Variants in NCAM2 observed in about 807,000 individuals in gnomAD.
NCAM2 encodes the protein N-CAM-2.
Under a neutral mutation model 98.1 loss-of-function variants are expected in NCAM2, and 30 were observed. That is an observed-to-expected ratio of 0.31 (90% CI 0.23 to 0.41). NCAM2 has a LOEUF of 0.41. Ranked by LOEUF, NCAM2 falls within the 10% of genes least tolerant of loss-of-function variation. The pLI is 1.00. For missense variants in NCAM2, 867 were observed against 1,005.8 expected (o/e 0.86, Z 1.87); for synonymous variants, 368 against 342.4 (o/e 1.07, Z -0.83).
At chr21:21,150,076 T>C (rs1250038474) in intron 1 of NCAM2, among the ~76,000 whole-genome samples, 1 of 152,152 alleles carries the variant, frequency 6.6e-6, no homozygotes, top group African/African-American at 2.4e-5. Flanking sequence ...TCTACTTTTA[T>C]GTGTTTAGGT....
intron 12 of NCAM2, among the ~76,000 whole-genome samples, chr21:21,448,827 A>G (rs998169921): frequency 2.0e-5 from 3 of 152,122 alleles, no homozygotes; most frequent in Non-Finnish European, 2.9e-5. Context: ...ATTTTCAGTG[A>G]AAGAAAATTT....
chr21:21,155,478 G>C (rs991078579), intron 1 of NCAM2, among the ~76,000 whole-genome samples: 2 of 151,226 alleles, frequency 1.3e-5, no homozygotes, highest in Non-Finnish European at 3.0e-5. Context: ...CTCTGGTTTT[G>C]TGTTAGTTAC....
chr21:21,501,761 C>T (rs1045543111), intron 15 of NCAM2, among the ~76,000 whole-genome samples: 2 of 151,856 alleles, frequency 1.3e-5, no homozygotes, highest in Admixed American at 1.3e-4. Flanking sequence ...GAAATGCAAT[C>T]AAAACAAGAC....
At chr21:21,467,412 G>GTATATATATATCTTTATA (rs745908935) in intron 13 of NCAM2, among the ~76,000 whole-genome samples, 4 of 41,446 alleles carry the variant, frequency 9.7e-5, no homozygotes, top group Non-Finnish European at 2.6e-4. Flanking sequence ...TTGTATATGT[G>GTATATATATATCTTTATA]TATATATATA....
chr21:21,085,716 A>G (rs2065893830), intron 1 of NCAM2, among the ~76,000 whole-genome samples: 1 of 152,158 alleles, frequency 6.6e-6, no homozygotes, highest in South Asian at 2.1e-4. Context: ...CAATGAGTAA[A>G]GATTAGTTTC....
intron 1 of NCAM2, among the ~76,000 whole-genome samples, chr21:21,128,286 T>TA (rs1460535601): frequency 2.0e-5 from 3 of 151,930 alleles, no homozygotes; most frequent in African/African-American, 7.3e-5. Context: ...TGGAATAAGA[T>TA]AAAGTCTCTC....
chr21:21,351,810 G>A (rs967745464), intron 8 of NCAM2, among the ~76,000 whole-genome samples: 1 of 152,078 alleles, frequency 6.6e-6, no homozygotes, highest in African/African-American at 2.4e-5. Flanking sequence ...GCAGTGGCAC[G>A]ATCTCGGCTC....
Position 21,477,556 on chromosome 21 carries a change from A to G in NCAM2, c.2077+85A>G, listed in dbSNP as rs952003666. ...ACCCTTACTGACTTTTCTTATTAAT[A>G]ATTAAAACAAACTGAAATGTAAATT... is the stretch of plus-strand genomic sequence containing the variant. On this transcript the variant is annotated intron_variant, in intron 15 of 17. Transcript: ENST00000400546. 6 of 1,065,814 alleles carry G rather than the reference A, an allele frequency of 5.6e-6. No homozygotes were observed. In the South Asian group the frequency reaches 8.1e-5, roughly 14 times the overall value. 66.0% of individuals were successfully genotyped at this position (1,065,814 alleles called of 1,614,324 possible). A position where few individuals can be genotyped will look rare whatever the true frequency, so the allele number is the denominator to read the frequency against.
At chr21:21,171,848 T>TA (rs11387601) in intron 1 of NCAM2, among the ~76,000 whole-genome samples, 132,623 of 152,000 alleles carry the variant, frequency 0.87, 58,937 homozygotes, top group Non-Finnish European at 0.96. Context: ...TCAACAGAAT[T>TA]TTTTTTTTCG....
At chr21:21,149,962 C>T (rs1171197581) in intron 1 of NCAM2, among the ~76,000 whole-genome samples, 1 of 152,054 alleles carries the variant, frequency 6.6e-6, no homozygotes, top group Non-Finnish European at 1.5e-5. Context: ...AATGGTGTTT[C>T]TAGTTCTAGA....
chr21:21,503,402 A>T (rs1443067276), intron 15 of NCAM2, among the ~76,000 whole-genome samples: 1 of 151,908 alleles, frequency 6.6e-6, no homozygotes, highest in Non-Finnish European at 1.5e-5. Context: ...AACAGCTCCT[A>T]AGTAACTAAG....
chr21:21,143,804 GTTT>G (rs201614786), intron 1 of NCAM2, among the ~76,000 whole-genome samples: 2 of 123,428 alleles, frequency 1.6e-5, no homozygotes, highest in South Asian at 5.5e-4. Context: ...TTTTTAGGAA[GTTT>G]TTTTTTTTTT....
intron 8 of NCAM2, among the ~76,000 whole-genome samples, chr21:21,345,966 G>T (rs556950054): frequency 6.2e-4 from 94 of 152,024 alleles, no homozygotes; most frequent in African/African-American, 2.2e-3. Context: ...AGGAAGACAG[G>T]AAGGATAGAA....
chr21:21,083,950 G>A (rs2065859974), intron 1 of NCAM2, among the ~76,000 whole-genome samples: 1 of 152,070 alleles, frequency 6.6e-6, no homozygotes, highest in Admixed American at 6.6e-5. Flanking sequence ...GAGAGTGGAT[G>A]GTGTCTTAGG....
At chr21:21,257,281 A>G (rs1021289846) in intron 1 of NCAM2, among the ~76,000 whole-genome samples, 1 of 152,232 alleles carries the variant, frequency 6.6e-6, no homozygotes, top group South Asian at 2.1e-4. Flanking sequence ...TGAAGTAATC[A>G]TAGAATTGAC....
intron 11 of NCAM2, among the ~76,000 whole-genome samples, chr21:21,423,030 C>A (rs957222695): frequency 1.3e-5 from 2 of 151,972 alleles, no homozygotes; most frequent in African/African-American, 4.8e-5. Flanking sequence ...ATATTATTAT[C>A]AAGTAATTTC....
chr21:21,199,816 T>C (rs1008402365), intron 1 of NCAM2, among the ~76,000 whole-genome samples: 7 of 152,122 alleles, frequency 4.6e-5, no homozygotes, highest in Admixed American at 4.6e-4. Context: ...CTTATACTTA[T>C]GAATGTGAGC....
intron 12 of NCAM2, among the ~76,000 whole-genome samples, chr21:21,433,128 A>AC (rs1213693530): frequency 1.3e-5 from 2 of 152,160 alleles, no homozygotes; most frequent in Non-Finnish European, 2.9e-5. Flanking sequence ...ATCTGTGTTG[A>AC]CCCTACTTTA....
At chr21:21,262,731 A>G in intron 1 of NCAM2, among the ~76,000 whole-genome samples, 1 of 151,374 alleles carries the variant, frequency 6.6e-6, no homozygotes, top group African/African-American at 2.4e-5. Flanking sequence ...CCATTTTCAC[A>G]CTGGTGGTAA....
Sources: gnomAD v4.1 joint callset for allele counts (sites outside exome capture counted in the v4.1 genomes callset) on GRCh38, gnomAD v4.1.1 for gene constraint, MANE v1.5 for transcripts, NCBI Gene and HGNC (gene_info 2026-07-23, HGNC 2026-07-21) for gene names.